GUCY1A2: variants seen among roughly 807,000 people sequenced by gnomAD.
GUCY1A2 encodes the protein guanylate cyclase soluble subunit alpha-2.
GUCY1A2 carries 27 observed loss-of-function variants against 63.5 expected under a neutral mutation model. The ratio of observed to expected loss-of-function variants is 0.43; its 90% CI spans 0.31 to 0.59. The LOEUF is 0.59. Ranked by LOEUF, GUCY1A2 falls within the 20% of genes least tolerant of loss-of-function variation. The probability of loss-of-function intolerance (pLI) is 0.11; values close to 1 mark genes in which losing one functional copy is unlikely to be tolerated. For synonymous variants in GUCY1A2, 364 were observed against 343.5 expected, an observed-to-expected ratio of 1.06 and a Z score of -0.66; for missense variants, 768 against 913.3, an observed-to-expected ratio of 0.84 and a Z score of 2.05.
intron 5 of GUCY1A2, among the ~76,000 whole-genome samples, chr11:106,806,791 C>A (rs1304585490): frequency 6.6e-6 from 1 of 152,170 alleles, no homozygotes; most frequent in African/African-American, 2.4e-5. Context: ...ATATGCACAG[C>A]AAAATCCACA....
chr11:106,741,053 T>C (rs1420438440), intron 6 of GUCY1A2, among the ~76,000 whole-genome samples: 1 of 152,202 alleles, frequency 6.6e-6, no homozygotes, highest in Non-Finnish European at 1.5e-5. Flanking sequence ...GTGTCCTTTA[T>C]TGCAATGCTG....
Position 106,678,764 on chromosome 11 carries a change from T to C in GUCY1A2, c.*8785A>G, listed in dbSNP as rs1175023097. ...GAACAAGCTGAAAATACAGTATTAT[T>C]TGACTATTATCCTTAATGTTTATGT... is the stretch of plus-strand genomic sequence containing the variant. On this transcript the variant is annotated 3_prime_UTR_variant, in exon 8 of 8. Transcript: ENST00000526355. 5.0e-6 allele frequency: 1 copy of C among 199,854 alleles called. No individual in the cohort carries two copies. Among genetic ancestry groups the C allele is most frequent in the Admixed American group, 6.1e-5 (1 of 16,500 alleles). 12.4% of individuals were successfully genotyped at this position (199,854 alleles called of 1,614,324 possible).
In GUCY1A2 at chr11:106,986,003, A is replaced by T. The variant is rs2120139528; in HGVS notation, c.365+67T>A. On this transcript the variant is annotated intron_variant, in intron 2 of 7. Coordinates refer to ENST00000526355, the MANE Select transcript of GUCY1A2 (RefSeq NM_000855.3). The stretch of plus-strand genomic sequence containing the variant: ...CTGGGTAGCAGAAAATCACATACTC[A>T]ACAGCTATGTTTGAGTAATTACCTT... The T allele has an allele frequency of 3.5e-6, 3 of 851,628 alleles. No individual in the cohort carries two copies. The East Asian group carries it at 7.2e-5, about 21-fold the overall frequency. 52.8% of individuals were successfully genotyped at this position (851,628 alleles called of 1,614,324 possible).
chr11:106,892,576 T>C (rs1591316507), intron 4 of GUCY1A2, among the ~76,000 whole-genome samples: 1 of 152,176 alleles, frequency 6.6e-6, no homozygotes, highest in African/African-American at 2.4e-5. Flanking sequence ...TAGCTAGCCC[T>C]AGCGTCGCAC....
At chr11:106,774,867 C>T (rs1160198341) in intron 6 of GUCY1A2, among the ~76,000 whole-genome samples, 2 of 152,152 alleles carry the variant, frequency 1.3e-5, no homozygotes, top group Admixed American at 6.5e-5. Context: ...TCTTAAGCAT[C>T]GTGTTGATTG....
intron 7 of GUCY1A2, among the ~76,000 whole-genome samples, chr11:106,691,513 G>T (rs1591231962): frequency 6.6e-6 from 1 of 152,168 alleles, no homozygotes. Flanking sequence ...TCTTTGTTTT[G>T]CTATAATTGA....
chr11:106,870,609 G>A (rs577932755), intron 4 of GUCY1A2, among the ~76,000 whole-genome samples: 1 of 152,058 alleles, frequency 6.6e-6, no homozygotes, highest in South Asian at 2.1e-4. Context: ...TGTAGGGGTG[G>A]GAATTATTAT....
At chr11:106,784,098 CA>C (rs1283658455) in intron 5 of GUCY1A2, among the ~76,000 whole-genome samples, 1 of 152,094 alleles carries the variant, frequency 6.6e-6, no homozygotes, top group Non-Finnish European at 1.5e-5. Context: ...ATCACTTCAT[CA>C]ACTCTTCTTC....
chr11:106,877,397 CTATAGGGCTACAG>C (rs1859764771), intron 4 of GUCY1A2, among the ~76,000 whole-genome samples: 1 of 152,018 alleles, frequency 6.6e-6, no homozygotes. Context: ...TCAAACTATA[CTATAGGGCTACAG>C]TAACCAAAAC....
In GUCY1A2 at chr11:106,679,775, C is replaced by A; in HGVS notation, c.*7774G>T. 1 of 218,038 alleles carries A rather than the reference C, an allele frequency of 4.6e-6. No individual in the cohort carries two copies. The highest frequency in any genetic ancestry group is 6.7e-5 in the East Asian group (1 of 14,932). 13.5% of individuals were successfully genotyped at this position (218,038 alleles called of 1,614,324 possible). A position where few individuals can be genotyped will look rare whatever the true frequency, so the allele number is the denominator to read the frequency against. On this transcript the variant is annotated 3_prime_UTR_variant, in exon 8 of 8. Transcript: ENST00000526355. ...ATTGGGCCTTCTTTGTTCCTTCAAC[C>A]CAGATGTTCTGACACTTTCATTTAC...
rs1862489676 is a variant in GUCY1A2, at chr11:106,684,564, G to A, written c.*2985C>T. The A allele has an allele frequency of 5.0e-6, 1 of 198,654 alleles. No individual in the cohort carries two copies. The highest frequency in any genetic ancestry group is 6.0e-5 in the Admixed American group (1 of 16,572). The allele number at this position is 198,654 out of a possible 1,614,324, so 12.3% of individuals were successfully genotyped here. On this transcript the variant is annotated 3_prime_UTR_variant, in exon 8 of 8. Coordinates refer to ENST00000526355, the MANE Select transcript of GUCY1A2 (RefSeq NM_000855.3). ...GATAACTGATTTATTTGCAAATGAT[G>A]ACATTCTCTCCATCAAAATAATCCT... is the stretch of plus-strand genomic sequence containing the variant.
At position 106,684,023 on chromosome 11, in the gene GUCY1A2, G is replaced by T. The variant is rs1862477875; in HGVS notation, c.*3526C>A. 1 of 192,902 alleles carries T rather than the reference G, an allele frequency of 5.2e-6. No individual in the cohort carries two copies. Among genetic ancestry groups the T allele is most frequent in the East Asian group, 8.1e-5 (1 of 12,334 alleles). 11.9% of individuals were successfully genotyped at this position (192,902 alleles called of 1,614,324 possible). ...AGGCATTTGCAAAATTAAAAGTCTT[G>T]CTCCCCTTGTGAATGAGATTTTGTT... On this transcript the variant is annotated 3_prime_UTR_variant, in exon 8 of 8. Coordinates refer to ENST00000526355, the MANE Select transcript of GUCY1A2 (RefSeq NM_000855.3).
At chr11:106,709,951 CAT>C (rs1388342988) in intron 6 of GUCY1A2, among the ~76,000 whole-genome samples, 3 of 13,848 alleles carry the variant, frequency 2.2e-4, no homozygotes, top group African/African-American at 7.5e-4. Context: ...ATGTATATAA[CAT>C]ATAGTTATAT....
intron 4 of GUCY1A2, among the ~76,000 whole-genome samples, chr11:106,843,981 A>G (rs1859236999): frequency 6.6e-6 from 1 of 151,870 alleles, no homozygotes; most frequent in South Asian, 2.1e-4. Context: ...ATCTTGTCAT[A>G]TCATTGGAGG....
intron 4 of GUCY1A2, chr11:106,826,520 C>T: frequency 1.2e-6 from 2 of 1,603,352 alleles, no homozygotes; most frequent in Non-Finnish European, 8.5e-7. Flanking sequence ...ATTAAGAAAG[C>T]TCCCATCATT....
At chr11:106,782,851 A>G (rs1864490096) in intron 5 of GUCY1A2, among the ~76,000 whole-genome samples, 1 of 152,178 alleles carries the variant, frequency 6.6e-6, no homozygotes, top group African/African-American at 2.4e-5. Context: ...TGGGTACATT[A>G]AGAGGCCCTC....
At chr11:106,987,607 A>ACC (rs1446537255) in intron 1 of GUCY1A2, among the ~76,000 whole-genome samples, 1 of 139,760 alleles carries the variant, frequency 7.2e-6, no homozygotes, top group Non-Finnish European at 1.5e-5. Context: ...AGCCAAGATC[A>ACC]CCCCCACTGC....
At chr11:106,795,749 T>C (rs919870380) in intron 5 of GUCY1A2, among the ~76,000 whole-genome samples, 2 of 152,194 alleles carry the variant, frequency 1.3e-5, no homozygotes, top group East Asian at 1.9e-4. Context: ...CTTTAAAAGA[T>C]GTTTGCAAAA....
chr11:106,873,951 C>A (rs1859715153), intron 4 of GUCY1A2, among the ~76,000 whole-genome samples: 1 of 152,118 alleles, frequency 6.6e-6, no homozygotes, highest in Non-Finnish European at 1.5e-5. Context: ...CTAGCGTGCT[C>A]TTTGTTTTCT....
Sources: gnomAD v4.1 joint callset for allele counts (sites outside exome capture counted in the v4.1 genomes callset) on GRCh38, gnomAD v4.1.1 for gene constraint, MANE v1.5 for transcripts, NCBI Gene and HGNC (gene_info 2026-07-23, HGNC 2026-07-21) for gene names.